Variants in ACER3 observed in about 807,000 individuals in gnomAD.
ACER3 encodes the protein alkaline ceramidase 3.
ACER3 carries 16 observed loss-of-function variants against 48.9 expected under a neutral mutation model. That is an observed-to-expected ratio of 0.33 (90% CI 0.22 to 0.50). The LOEUF (loss-of-function observed/expected upper bound fraction) is 0.50, where lower values mean the gene tolerates loss of function less well. Ranked by LOEUF, ACER3 falls within the 20% of genes least tolerant of loss-of-function variation. The pLI, the probability that ACER3 is intolerant of heterozygous loss-of-function variation, is 0.98. For synonymous variants in ACER3, 109 were observed against 107.8 expected (o/e 1.01, Z -0.07); for missense variants, 227 against 326.0 (o/e 0.70, Z 2.34).
intron 2 of ACER3, among the ~76,000 whole-genome samples, chr11:76,958,367 A>G (rs1308593252): frequency 6.6e-6 from 1 of 151,310 alleles, no homozygotes; most frequent in African/African-American, 2.4e-5. Flanking sequence ...TTGTATTTTT[A>G]GTAGAGACGG....
At chr11:77,013,618 C>A (rs1949310429) in intron 7 of ACER3, among the ~76,000 whole-genome samples, 1 of 152,172 alleles carries the variant, frequency 6.6e-6, no homozygotes, top group Non-Finnish European at 1.5e-5. Flanking sequence ...AACACTTATA[C>A]ATGCCTGGTG....
intron 1 of ACER3, among the ~76,000 whole-genome samples, chr11:76,912,880 C>A (rs1452135279): frequency 6.6e-6 from 1 of 152,120 alleles, no homozygotes; most frequent in Non-Finnish European, 1.5e-5. Flanking sequence ...CAACTTCAGT[C>A]CTTGCCTCCT....
chr11:77,017,296 AAGAGACATTACAATGCTGCCAC>A (rs1405680841), intron 9 of ACER3, among the ~76,000 whole-genome samples: 2 of 152,216 alleles, frequency 1.3e-5, no homozygotes, highest in Non-Finnish European at 2.9e-5. Context: ...GAAATAAAAG[AAGAGACATTACAATGCTGCCAC>A]AGAGATAAGA....
Position 76,926,670 on chromosome 11 carries a change from A to G in ACER3, c.214+3A>G, listed in dbSNP as rs1946839124. 6.5e-7 allele frequency: 1 copy of G among 1,542,706 alleles called. No homozygotes were observed. Among genetic ancestry groups the G allele is most frequent in the Non-Finnish European group, 9.0e-7 (1 of 1,114,532 alleles). ...TGCTTCTTATTTAGCACTCACAGGT[A>G]TGTATAACACTGTATCTGAAGAAAT... On this transcript the variant is annotated splice_donor_region_variant and intron_variant, in intron 2 of 10. Coordinates refer to ENST00000532485, the MANE Select transcript of ACER3 (RefSeq NM_018367.7).
chr11:76,928,638 T>A (rs1399275845), intron 2 of ACER3, among the ~76,000 whole-genome samples: 1 of 152,250 alleles, frequency 6.6e-6, no homozygotes, highest in African/African-American at 2.4e-5. Context: ...AATTTTTGTA[T>A]AAGGTGTAAG....
At chr11:76,884,952 G>C (rs960292094) in intron 1 of ACER3, among the ~76,000 whole-genome samples, 3 of 152,006 alleles carry the variant, frequency 2.0e-5, no homozygotes, top group Non-Finnish European at 4.4e-5. Context: ...TTTTAGTACA[G>C]ATGGGGTTTT....
intron 3 of ACER3, among the ~76,000 whole-genome samples, chr11:76,964,481 G>A (rs1457921751): frequency 7.9e-5 from 12 of 151,420 alleles, no homozygotes; most frequent in East Asian, 1.9e-4. Flanking sequence ...CTCCCAGCAT[G>A]AAGCTTGAGA....
rs1261788917 is a variant in ACER3 at position 76,896,925 on chromosome 11, T to TG, written c.104-29632_104-29631insG. 3.3e-3 allele frequency among the ~76,000 whole-genome samples: 481 copies of TG among 147,570 alleles called. 4 individuals carry two copies. Among genetic ancestry groups the TG allele is most frequent in the African/African-American group, 0.012 (454 of 36,982 alleles). On this transcript the variant is annotated intron_variant, in intron 1 of 10. Transcript: ENST00000532485. ...ATATATGTAGTTGTTGAAGGGAGTTTTTTGTTGTTGTTGTTGTTGTTGTTG... is the reference window on the plus strand; with the variant it reads ...ATATATGTAGTTGTTGAAGGGAGTTTGTTTGTTGTTGTTGTTGTTGTTGTTG...
chr11:76,992,071 G>C (rs1948816909), intron 6 of ACER3, among the ~76,000 whole-genome samples: 1 of 151,782 alleles, frequency 6.6e-6, no homozygotes, highest in South Asian at 2.1e-4. Context: ...AAAAAATCGG[G>C]CATGGTGGAA....
At chr11:76,902,060 C>T (rs61893664) in intron 1 of ACER3, among the ~76,000 whole-genome samples, 1 of 150,046 alleles carries the variant, frequency 6.7e-6, no homozygotes, top group African/African-American at 2.4e-5. Context: ...TTTTTTTTTC[C>T]AGAATAGGGT....
chr11:76,891,862 GTGT>G (rs987013881), intron 1 of ACER3, among the ~76,000 whole-genome samples: 2 of 152,164 alleles, frequency 1.3e-5, no homozygotes, highest in African/African-American at 2.4e-5. Context: ...AGCACATCGA[GTGT>G]TGTTTTGTTC....
intron 1 of ACER3, among the ~76,000 whole-genome samples, chr11:76,881,081 C>A (rs1046380673): frequency 6.6e-6 from 1 of 151,876 alleles, no homozygotes; most frequent in African/African-American, 2.4e-5. Flanking sequence ...TATGGTGAAA[C>A]TCATCTCTAC....
intron 1 of ACER3, among the ~76,000 whole-genome samples, chr11:76,883,770 CA>C (rs1378445682): frequency 5.9e-5 from 9 of 152,054 alleles, no homozygotes; most frequent in African/African-American, 2.2e-4. Context: ...ACTTGTTTAG[CA>C]ATTTCTGTTT....
intron 2 of ACER3, among the ~76,000 whole-genome samples, chr11:76,930,090 G>A (rs557421672): frequency 5.3e-5 from 8 of 152,000 alleles, no homozygotes; most frequent in South Asian, 4.2e-4. Context: ...CTGTGAGTCC[G>A]TCTGGTCCTG....
At position 76,964,206 on chromosome 11, in the gene ACER3, T is replaced by G. The variant is rs547486578; in HGVS notation, c.267+5175T>G. On this transcript the variant is annotated intron_variant, in intron 3 of 10. Transcript: ENST00000532485. ...CGGAGGGTCCTACGCCCACGGAGCC[T>G]CTCTCACTGCTAGCACAGCAGTCTG... 3.6e-4 allele frequency among the ~76,000 whole-genome samples: 55 copies of G among 151,398 alleles called. 2 individuals carry two copies. The highest frequency in any genetic ancestry group is 1.3e-3 in the African/African-American group (52 of 40,716).
At chr11:76,866,952 C>T (rs905257757) in intron 1 of ACER3, among the ~76,000 whole-genome samples, 2 of 152,148 alleles carry the variant, frequency 1.3e-5, no homozygotes, top group African/African-American at 4.8e-5. Flanking sequence ...CCATCATGCC[C>T]AGGCCATATT....
At chr11:76,983,583 G>A (rs566956399) in intron 4 of ACER3, among the ~76,000 whole-genome samples, 2 of 152,280 alleles carry the variant, frequency 1.3e-5, no homozygotes, top group East Asian at 3.9e-4. Context: ...CCAAAGTGCT[G>A]GAATTACAGG....
rs117324949 is a variant in ACER3 at position 76,921,853 on chromosome 11, C to A, written c.104-4704C>A. Among the ~76,000 whole-genome samples the A allele has an allele frequency of 6.6e-5, 10 of 152,202 alleles. No individual in the cohort carries two copies. The East Asian group carries it at 1.9e-3, about 29-fold the overall frequency. ...CAGATTGTCAATCTGACCCAGGAAT[C>A]CTTCAGATATTTGAAGATAGCAGTC... On this transcript the variant is annotated intron_variant, in intron 1 of 10. Coordinates refer to ENST00000532485, the MANE Select transcript of ACER3 (RefSeq NM_018367.7).
In ACER3 at chr11:76,969,955, A is replaced by AT. The variant is rs531246680; in HGVS notation, c.268-6332dup. ...AAACTTAAAGTATAATAATAATAAA[A>AT]TTAAAAAAAAAAGAAACCTGTTTAA... On this transcript the variant is annotated intron_variant, in intron 3 of 10. Transcript: ENST00000532485. Among the ~76,000 whole-genome samples, 95 of 92,704 alleles carry AT rather than the reference A, an allele frequency of 1.0e-3. 1 individual carries two copies. In the South Asian group the frequency reaches 0.022, roughly 21 times the overall value. 60.8% of individuals were successfully genotyped at this position (92,704 alleles called of 152,430 possible). A position where few individuals can be genotyped will look rare whatever the true frequency, so the allele number is the denominator to read the frequency against.
Sources: allele counts gnomAD v4.1 joint callset (sites outside exome capture counted in the v4.1 genomes callset), GRCh38; gene constraint gnomAD v4.1.1; transcripts MANE v1.5; gene names NCBI Gene and HGNC (gene_info 2026-07-23, HGNC 2026-07-21).